RARB: variants seen among roughly 807,000 people sequenced by gnomAD.
RARB encodes HBV-activated protein.
RARB carries 17 observed loss-of-function variants against 51.9 expected under a neutral mutation model. The observed-to-expected ratio is 0.33, with a 90% CI of 0.22 to 0.49. RARB has a LOEUF of 0.49. RARB is among the 20% of genes least tolerant of loss of function. The pLI, the probability that RARB is intolerant of heterozygous loss-of-function variation, is 0.99. For synonymous variants in RARB, 215 were observed against 195.4 expected, an observed-to-expected ratio of 1.10 and a Z score of -0.84; for missense variants, 369 against 550.8, an observed-to-expected ratio of 0.67 and a Z score of 3.30.
intron 5 of RARB, among the ~76,000 whole-genome samples, chr3:25,249,601 C>T (rs1360566746): frequency 6.7e-6 from 1 of 150,144 alleles, no homozygotes; most frequent in African/African-American, 2.4e-5. Flanking sequence ...GGAGGTTTTC[C>T]TGAAGAGGTA....
At chr3:25,104,566 C>A (rs533472176) in intron 3 of RARB, among the ~76,000 whole-genome samples, 1 of 152,096 alleles carries the variant, frequency 6.6e-6, no homozygotes, top group African/African-American at 2.4e-5. Context: ...ATTGCTTGAG[C>A]CTAGGAGGTG....
intron 2 of RARB, among the ~76,000 whole-genome samples, chr3:25,014,857 C>T (rs1224190696): frequency 1.3e-5 from 2 of 151,974 alleles, no homozygotes; most frequent in African/African-American, 4.8e-5. Flanking sequence ...AAAAAAAAAC[C>T]CTCACAAGTT....
chr3:25,585,271 T>C (rs1253317016), intron 5 of RARB, among the ~76,000 whole-genome samples: 5 of 152,194 alleles, frequency 3.3e-5, no homozygotes, highest in Non-Finnish European at 1.5e-5. Context: ...TAAGTCGCAC[T>C]ATGCCCTCAG....
chr3:25,327,766 C>G (rs1455505802), intron 5 of RARB, among the ~76,000 whole-genome samples: 1 of 152,114 alleles, frequency 6.6e-6, no homozygotes, highest in African/African-American at 2.4e-5. Context: ...TATGATGGCT[C>G]TAGAAAGAAA....
intron 5 of RARB, among the ~76,000 whole-genome samples, chr3:25,189,056 G>C (rs1701040068): frequency 6.6e-6 from 1 of 152,128 alleles, no homozygotes; most frequent in Admixed American, 6.6e-5. Context: ...ATAAAATGAA[G>C]TCATCCAGGC....
At chr3:25,096,941 T>C (rs904561911) in intron 3 of RARB, among the ~76,000 whole-genome samples, 2 of 152,202 alleles carry the variant, frequency 1.3e-5, no homozygotes, top group African/African-American at 4.8e-5. Context: ...TCAAATCTTC[T>C]CCAGCCTGTG....
intron 2 of RARB, among the ~76,000 whole-genome samples, chr3:24,946,991 T>C (rs1326722344): frequency 6.6e-6 from 1 of 152,194 alleles, no homozygotes; most frequent in Non-Finnish European, 1.5e-5. Flanking sequence ...GCTGAATTTC[T>C]CATAAAAGTG....
intron 5 of RARB, among the ~76,000 whole-genome samples, chr3:25,211,680 T>A (rs1266955043): frequency 6.6e-6 from 1 of 152,186 alleles, no homozygotes; most frequent in African/African-American, 2.4e-5. Context: ...GGCCCAACAG[T>A]GAAATTTTTT....
intron 5 of RARB, among the ~76,000 whole-genome samples, chr3:25,582,445 C>T (rs1169415901): frequency 6.6e-6 from 1 of 152,018 alleles, no homozygotes; most frequent in African/African-American, 2.4e-5. Flanking sequence ...GGAGCCTTCC[C>T]AGGCCTCAGG....
rs1021615152 is a variant in RARB at position 25,214,316 on chromosome 3, T to A, written c.178+39741T>A. ...GATTAACTTGAGCAAATGAGCTGCA[T>A]TGGAGGACTTCCTACCAATAAGATC... On this transcript the variant is annotated intron_variant, in intron 5 of 11. Coordinates refer to the RARB transcript ENST00000383772. Among the ~76,000 whole-genome samples the A allele has an allele frequency of 2.0e-4, 31 of 152,120 alleles. 2 individuals carry two copies. Among genetic ancestry groups the A allele is most frequent in the African/African-American group, 2.4e-5 (1 of 41,440 alleles).
intron 2 of RARB, among the ~76,000 whole-genome samples, chr3:24,990,800 C>A (rs1376899419): frequency 1.3e-5 from 2 of 152,150 alleles, no homozygotes; most frequent in Admixed American, 1.3e-4. Flanking sequence ...TCAAATTTGA[C>A]AAGCATCCAA....
At chr3:24,937,594 CGT>C (rs935278074) in intron 2 of RARB, among the ~76,000 whole-genome samples, 1 of 152,086 alleles carries the variant, frequency 6.6e-6, no homozygotes, top group Non-Finnish European at 1.5e-5. Context: ...AAAGCAGTAG[CGT>C]GCGATACGGG....
intron 5 of RARB, among the ~76,000 whole-genome samples, chr3:25,298,473 A>G (rs953260046): frequency 6.6e-6 from 1 of 152,156 alleles, no homozygotes; most frequent in Non-Finnish European, 1.5e-5. Context: ...AGATACAGAG[A>G]TAGAGAGCCA....
At chr3:25,595,779 GTGC>G (rs532876083) in intron 7 of RARB, among the ~76,000 whole-genome samples, 51 of 152,306 alleles carry the variant, frequency 3.3e-4, no homozygotes, top group African/African-American at 1.2e-3. Context: ...ACTGGACAGA[GTGC>G]TGCTAAATCT....
chr3:25,542,549 A>T (rs955670304), intron 3 of RARB, among the ~76,000 whole-genome samples: 1 of 152,244 alleles, frequency 6.6e-6, no homozygotes, highest in African/African-American at 2.4e-5. Context: ...CTGTAGTATT[A>T]ATAAAAGCTG....
intron 5 of RARB, among the ~76,000 whole-genome samples, chr3:25,239,834 T>C (rs766956184): frequency 6.6e-6 from 1 of 152,124 alleles, no homozygotes; most frequent in African/African-American, 2.4e-5. Flanking sequence ...AAAAATTACA[T>C]TGGTATTTTG....
At chr3:24,939,331 T>TGTA (rs1218675352) in intron 2 of RARB, among the ~76,000 whole-genome samples, 1 of 152,254 alleles carries the variant, frequency 6.6e-6, no homozygotes, top group East Asian at 1.9e-4. Context: ...CTAGCATATC[T>TGTA]GTAGAAATGG....
intron 5 of RARB, among the ~76,000 whole-genome samples, chr3:25,197,923 A>G (rs973498742): frequency 1.3e-5 from 2 of 152,092 alleles, no homozygotes; most frequent in Non-Finnish European, 2.9e-5. Flanking sequence ...ACAGAAATAG[A>G]AAAAATAATC....
At position 25,597,749 on chromosome 3, in the gene RARB, T is replaced by TTAGTTCTCA. The variant is rs1387486639; in HGVS notation, c.*1135_*1143dup. 3 of 151,960 alleles carry TTAGTTCTCA rather than the reference T, an allele frequency of 2.0e-5. No individual in the cohort carries two copies. The highest frequency in any genetic ancestry group is 1.9e-4 in the East Asian group (1 of 5,150). The allele number at this position is 151,960 out of a possible 1,614,324, so 9.4% of individuals were successfully genotyped here. On this transcript the variant is annotated 3_prime_UTR_variant, in exon 8 of 8. Coordinates refer to ENST00000330688, the MANE Select transcript of RARB (RefSeq NM_000965.5). The stretch of plus-strand genomic sequence containing the variant: ...GTTAACAGATACAAGTGTCAGTTTC[T>TTAGTTCTCA]TAGTTCTCATTTAAGCACTAGTGGA...
Sources: allele counts gnomAD v4.1 joint callset (sites outside exome capture counted in the v4.1 genomes callset), GRCh38; gene constraint gnomAD v4.1.1; transcripts MANE v1.5; gene names NCBI Gene and HGNC (gene_info 2026-07-23, HGNC 2026-07-21).